FSTL4: variants seen among roughly 807,000 people sequenced by gnomAD.
FSTL4 encodes the protein follistatin like 4.
FSTL4 carries 28 observed loss-of-function variants against 78.2 expected under a neutral mutation model. The ratio of observed to expected loss-of-function variants is 0.36; its 90% CI spans 0.27 to 0.49. FSTL4 has a LOEUF of 0.49. Ranked by LOEUF, FSTL4 falls within the 20% of genes least tolerant of loss-of-function variation. FSTL4 has a pLI of 0.98. For missense variants in FSTL4, 922 were observed against 1,084.9 expected, an observed-to-expected ratio of 0.85 and a Z score of 2.11; for synonymous variants, 422 against 440.5, an observed-to-expected ratio of 0.96 and a Z score of 0.53.
chr5:133,392,657 TA>T (rs1379469812), intron 4 of FSTL4, among the ~76,000 whole-genome samples: 1 of 150,936 alleles, frequency 6.6e-6, no homozygotes, highest in Non-Finnish European at 1.5e-5. Context: ...AAAGGCTACC[TA>T]GGAGGATGCT....
At chr5:133,467,292 G>C (rs1424281273) in intron 3 of FSTL4, among the ~76,000 whole-genome samples, 1 of 151,862 alleles carries the variant, frequency 6.6e-6, no homozygotes, top group Admixed American at 6.6e-5. Context: ...GAGTGTGTAT[G>C]TGTACACCAC....
At chr5:133,462,555 CAA>C (rs1382984093) in intron 3 of FSTL4, among the ~76,000 whole-genome samples, 1 of 152,222 alleles carries the variant, frequency 6.6e-6, no homozygotes, top group African/African-American at 2.4e-5. Flanking sequence ...AACGATTAAT[CAA>C]AGACACTCCT....
At chr5:133,627,207 C>G in the FSTL4 span, among the ~76,000 whole-genome samples, 1,489 of 140,868 alleles carry the variant, frequency 0.011, 137 homozygotes, top group East Asian at 0.24. Context: ...TGTCCCCACA[C>G]TGCCAATAAA....
chr5:133,746,762 A>T, the FSTL4 span, among the ~76,000 whole-genome samples: 1 of 152,194 alleles, frequency 6.6e-6, no homozygotes, highest in Non-Finnish European at 1.5e-5. Flanking sequence ...CTGGAAAGAC[A>T]TTTAGGTCTA....
chr5:133,375,290 G>A lies in FSTL4; in HGVS notation c.409+25448C>T, dbSNP rs1389050756. ...AAACCCAAAACATAGGGTGTGCATGGCATATATATATATATATATATAAAA... is the reference window on the plus strand; with the variant it reads ...AAACCCAAAACATAGGGTGTGCATGACATATATATATATATATATATAAAA... On this transcript the variant is annotated intron_variant, in intron 4 of 15. Transcript: ENST00000265342. Among the ~76,000 whole-genome samples, 28 of 21,766 alleles carry A rather than the reference G, an allele frequency of 1.3e-3. No individual in the cohort carries two copies. The Admixed American group carries it at 0.016, about 13-fold the overall frequency. 14.3% of individuals were successfully genotyped at this position (21,766 alleles called of 152,430 possible). A position where few individuals can be genotyped will look rare whatever the true frequency, so the allele number is the denominator to read the frequency against.
the FSTL4 span, among the ~76,000 whole-genome samples, chr5:133,818,800 T>C: frequency 6.6e-6 from 1 of 150,866 alleles, no homozygotes; most frequent in Non-Finnish European, 1.5e-5. Flanking sequence ...CAGATTCCTT[T>C]TTGAGGATGA....
the FSTL4 span, among the ~76,000 whole-genome samples, chr5:133,782,058 G>A: frequency 6.6e-6 from 1 of 152,156 alleles, no homozygotes; most frequent in African/African-American, 2.4e-5. Flanking sequence ...AGCAAACTCA[G>A]ATTTACCCAC....
At chr5:133,321,583 C>T (rs941061013) in intron 4 of FSTL4, among the ~76,000 whole-genome samples, 6 of 152,188 alleles carry the variant, frequency 3.9e-5, no homozygotes, top group Non-Finnish European at 5.9e-5. Context: ...CGGTGGCTCA[C>T]GCCTATAATC....
intron 4 of FSTL4, among the ~76,000 whole-genome samples, chr5:133,390,933 G>C (rs970141292): frequency 6.6e-6 from 1 of 152,134 alleles, no homozygotes; most frequent in Non-Finnish European, 1.5e-5. Flanking sequence ...GGGAACAGCC[G>C]AGCCCCCAGG....
At chr5:133,838,661 C>T in the FSTL4 span, among the ~76,000 whole-genome samples, 9 of 150,978 alleles carry the variant, frequency 6.0e-5, no homozygotes, top group South Asian at 2.1e-4. Context: ...CACATGGAAG[C>T]TTCAGATTAG....
At chr5:133,690,348 G>A in the FSTL4 span, among the ~76,000 whole-genome samples, 8 of 152,178 alleles carry the variant, frequency 5.3e-5, no homozygotes, top group Non-Finnish European at 8.8e-5. Context: ...ACAAGAAAGA[G>A]AACCAAGGTG....
intron 3 of FSTL4, among the ~76,000 whole-genome samples, chr5:133,544,134 C>T (rs1190170663): frequency 2.0e-5 from 3 of 152,060 alleles, no homozygotes; most frequent in African/African-American, 7.2e-5. Flanking sequence ...GCAATTAATA[C>T]TTAGATTAAC....
chr5:133,535,424 C>G (rs760492993), intron 3 of FSTL4, among the ~76,000 whole-genome samples: 18 of 152,254 alleles, frequency 1.2e-4, no homozygotes, highest in Non-Finnish European at 2.4e-4. Flanking sequence ...TAAAGGCATT[C>G]TTAAGCCACA....
intron 6 of FSTL4, among the ~76,000 whole-genome samples, chr5:133,287,510 A>G (rs1280062321): frequency 1.3e-5 from 2 of 152,054 alleles, no homozygotes; most frequent in African/African-American, 4.8e-5. Context: ...TCAGGATGCT[A>G]CCTGGGTGCT....
At chr5:133,785,972 G>T in the FSTL4 span, among the ~76,000 whole-genome samples, 1 of 152,186 alleles carries the variant, frequency 6.6e-6, no homozygotes, top group Non-Finnish European at 1.5e-5. Context: ...ACCTTTGGGG[G>T]ATTTTTGAGG....
At chr5:133,743,534 T>C in the FSTL4 span, among the ~76,000 whole-genome samples, 2 of 152,154 alleles carry the variant, frequency 1.3e-5, no homozygotes, top group Non-Finnish European at 2.9e-5. Flanking sequence ...AGATTGATGA[T>C]GATGGAAGAT....
At chr5:133,397,862 T>C (rs1355339973) in intron 4 of FSTL4, among the ~76,000 whole-genome samples, 1 of 152,238 alleles carries the variant, frequency 6.6e-6, no homozygotes, top group Non-Finnish European at 1.5e-5. Context: ...AGATGGATGA[T>C]TTTAGAATTT....
At chr5:133,541,394 G>A (rs893599621) in intron 3 of FSTL4, among the ~76,000 whole-genome samples, 3 of 152,102 alleles carry the variant, frequency 2.0e-5, no homozygotes, top group African/African-American at 4.8e-5. Context: ...AGTTGACATG[G>A]TGGCTTAGGC....
At chr5:133,233,296 G>GA in intron 8 of FSTL4, 121 bp downstream of exon 8, 1 of 1,076,058 alleles carries the variant, frequency 9.3e-7, no homozygotes, top group Admixed American at 2.1e-5. Flanking sequence ...TAAGAGAGAT[G>GA]ATATATTTTG....
Sources: gnomAD v4.1 joint callset for allele counts (sites outside exome capture counted in the v4.1 genomes callset) on GRCh38, gnomAD v4.1.1 for gene constraint, MANE v1.5 for transcripts, NCBI Gene and HGNC (gene_info 2026-07-23, HGNC 2026-07-21) for gene names.